The following DCC variants were observed in gnomAD, a reference collection of about 807,000 sequenced individuals.
DCC encodes netrin receptor DCC.
Under a neutral mutation model 172.5 loss-of-function variants are expected in DCC, and 58 were observed. That is an observed-to-expected ratio of 0.34 (90% confidence interval 0.27 to 0.42). The LOEUF is 0.42. Among genes scored for constraint, DCC ranks in the 10% least tolerant of loss-of-function variants. DCC has a pLI of 1.00. For missense variants in DCC, 1,740 were observed against 1,791.0 expected (o/e 0.97, Z 0.51); for synonymous variants, 709 against 644.5 (o/e 1.10, Z -1.52).
intron 13 of DCC, among the ~76,000 whole-genome samples, chr18:53,321,828 A>G (rs1169059477): frequency 6.6e-6 from 1 of 152,202 alleles, no homozygotes; most frequent in Non-Finnish European, 1.5e-5. Flanking sequence ...ACACATTTTT[A>G]TAAACTGGAA....
chr18:52,424,497 A>G (rs997908441), intron 1 of DCC, among the ~76,000 whole-genome samples: 1 of 152,168 alleles, frequency 6.6e-6, no homozygotes, highest in Non-Finnish European at 1.5e-5. Context: ...AGATATATTT[A>G]GTGCTTTTAT....
intron 1 of DCC, among the ~76,000 whole-genome samples, chr18:52,539,905 A>G (rs1490001855): frequency 1.3e-5 from 2 of 152,176 alleles, no homozygotes; most frequent in East Asian, 3.9e-4. Flanking sequence ...AACAACAACA[A>G]AAAAACCCAC....
At chr18:53,066,463 G>C (rs2042572751) in intron 7 of DCC, among the ~76,000 whole-genome samples, 2 of 143,880 alleles carry the variant, frequency 1.4e-5, no homozygotes, top group Non-Finnish European at 3.0e-5. Flanking sequence ...ATGAGATAAA[G>C]TCATCATGAA....
intron 2 of DCC, chr18:52,818,052 G>C (rs529825126): frequency 9.3e-4 from 141 of 152,240 alleles, no homozygotes; most frequent in African/African-American, 3.4e-3. Flanking sequence ...TGCTGCTGGA[G>C]AAAACAGAAT....
chr18:52,561,187 T>C (rs2033028824), intron 1 of DCC, among the ~76,000 whole-genome samples: 1 of 152,052 alleles, frequency 6.6e-6, no homozygotes, highest in African/African-American at 2.4e-5. Context: ...ATATATTTTA[T>C]TGGTGTGAAT....
In DCC at chr18:53,063,374, G is replaced by T. The variant is rs573993465; in HGVS notation, c.1055G>T (p.Cys352Phe). The T allele has an allele frequency of 1.2e-6, 2 of 1,612,566 alleles. No individual in the cohort carries two copies. The highest frequency in any genetic ancestry group is 1.7e-6 in the Non-Finnish European group (2 of 1,178,944). The change falls in exon 6 of 29, where the codon TGT becomes TTT. Residue 352 changes from cysteine to phenylalanine, a missense_variant. Cys to Phe is a radical substitution (Grantham distance 205). Transcript: ENST00000442544. The stretch of plus-strand genomic sequence containing the variant: ...GAAAGCATGGATATTGAGTTTGAAT[G>T]TACAGTCTCTGGAAAGCCTGTGCCC... Reference protein sequence around the residue: ...AYESMDIEFECTVSGKPVPTV... With the variant: ...AYESMDIEFEFTVSGKPVPTV...
At chr18:52,844,723 G>T (rs2038858968) in intron 2 of DCC, among the ~76,000 whole-genome samples, 1 of 152,156 alleles carries the variant, frequency 6.6e-6, no homozygotes, top group South Asian at 2.1e-4. Flanking sequence ...AAAACTAAAA[G>T]TCATTCTCTA....
At chr18:52,965,702 A>G (rs539579455) in intron 5 of DCC, among the ~76,000 whole-genome samples, 2 of 152,324 alleles carry the variant, frequency 1.3e-5, no homozygotes, top group South Asian at 4.1e-4. Flanking sequence ...GAAATAAACT[A>G]TCCCACACAC....
At chr18:52,384,838 C>G (rs1434491528) in intron 1 of DCC, among the ~76,000 whole-genome samples, 1 of 152,104 alleles carries the variant, frequency 6.6e-6, no homozygotes, top group Non-Finnish European at 1.5e-5. Flanking sequence ...GATGAAGAGA[C>G]CTTTCACAAT....
At chr18:53,220,985 A>G (rs553632645) in intron 12 of DCC, among the ~76,000 whole-genome samples, 5 of 152,100 alleles carry the variant, frequency 3.3e-5, no homozygotes, top group African/African-American at 4.8e-5. Context: ...ATTATATTAC[A>G]TAAGAATCAG....
At chr18:52,907,480 G>C (rs911677478) in intron 3 of DCC, among the ~76,000 whole-genome samples, 4 of 151,850 alleles carry the variant, frequency 2.6e-5, no homozygotes, top group African/African-American at 9.7e-5. Flanking sequence ...GCAGTGGTGC[G>C]ATCACAGCTC....
chr18:53,007,063 GAACA>G (rs1235319072), intron 5 of DCC, among the ~76,000 whole-genome samples: 2 of 152,090 alleles, frequency 1.3e-5, no homozygotes, highest in South Asian at 2.1e-4. Flanking sequence ...AAAAACAAAT[GAACA>G]AACAAAAAGC....
At chr18:52,708,314 C>T (rs572360455) in intron 1 of DCC, among the ~76,000 whole-genome samples, 233 of 151,854 alleles carry the variant, frequency 1.5e-3, no homozygotes, top group African/African-American at 4.2e-3. Context: ...TGGTGGCGGG[C>T]GCCTGTAGTC....
intron 1 of DCC, among the ~76,000 whole-genome samples, chr18:52,514,414 C>T (rs1281535217): frequency 1.3e-5 from 2 of 152,184 alleles, no homozygotes; most frequent in African/African-American, 4.8e-5. Flanking sequence ...CCTCTACCCT[C>T]TACTGGATAC....
chr18:52,974,839 G>T (rs2041091245), intron 5 of DCC, among the ~76,000 whole-genome samples: 1 of 152,142 alleles, frequency 6.6e-6, no homozygotes. Flanking sequence ...CCTTTAAAAG[G>T]TATAATTGAC....
At chr18:53,252,266 G>T (rs560912666) in intron 12 of DCC, among the ~76,000 whole-genome samples, 75 of 151,862 alleles carry the variant, frequency 4.9e-4, no homozygotes, top group African/African-American at 1.7e-3. Context: ...TACTGCATAG[G>T]ATTTTAGACG....
At chr18:52,734,632 A>C (rs886584885) in intron 1 of DCC, among the ~76,000 whole-genome samples, 2 of 152,260 alleles carry the variant, frequency 1.3e-5, no homozygotes, top group Non-Finnish European at 2.9e-5. Flanking sequence ...TGCAGCTAGC[A>C]ATCCAAGCTT....
chr18:53,311,009 C>T (rs1001937308), intron 13 of DCC, among the ~76,000 whole-genome samples: 1 of 152,128 alleles, frequency 6.6e-6, no homozygotes, highest in Non-Finnish European at 1.5e-5. Flanking sequence ...CACACACACA[C>T]ACACACACAT....
chr18:52,818,355 C>T (rs112315835), intron 2 of DCC, among the ~76,000 whole-genome samples: 16,883 of 147,252 alleles, frequency 0.11, 1,038 homozygotes, highest in South Asian at 0.2. Flanking sequence ...AAGGCTGCAG[C>T]GAGCTATGTC....
Sources: allele counts gnomAD v4.1 joint callset (sites outside exome capture counted in the v4.1 genomes callset), GRCh38; gene constraint gnomAD v4.1.1; transcripts MANE v1.5; gene names NCBI Gene and HGNC (gene_info 2026-07-23, HGNC 2026-07-21).